The following PASD1 variants were observed in gnomAD, a reference collection of about 807,000 sequenced individuals.
The protein encoded by PASD1 is circadian clock protein PASD1.
Under a neutral mutation model 58.8 loss-of-function variants are expected in PASD1, and 13 were observed. That is an observed-to-expected ratio of 0.22 (90% CI 0.14 to 0.35). The LOEUF (loss-of-function observed/expected upper bound fraction) is 0.35, where lower values mean the gene tolerates loss of function less well. PASD1 is among the 10% of genes least tolerant of loss of function. The pLI, the probability that PASD1 is intolerant of heterozygous loss-of-function variation, is 1.00. For missense variants in PASD1, 734 were observed against 568.3 expected, an observed-to-expected ratio of 1.29 and a Z score of -2.96; for synonymous variants, 236 against 216.7, an observed-to-expected ratio of 1.09 and a Z score of -0.78.
intron 4 of PASD1, among the ~76,000 whole-genome samples, chrX:151,613,412 A>G (rs867943670): frequency 6.7e-4 from 73 of 108,518 alleles, no homozygotes; most frequent in African/African-American, 2.4e-3. Flanking sequence ...CTTGGGCAGT[A>G]TGGCCATTTT....
chrX:151,613,174 T>A (rs1312627331), intron 4 of PASD1, among the ~76,000 whole-genome samples: 1 of 111,595 alleles, frequency 9.0e-6, no homozygotes, highest in Non-Finnish European at 1.9e-5. Context: ...TCCATTGGTC[T>A]ATATCTCTGT....
At chrX:151,568,348 G>C (rs1261539252) in intron 1 of PASD1, among the ~76,000 whole-genome samples, 1 of 111,355 alleles carries the variant, frequency 9.0e-6, no homozygotes, top group African/African-American at 3.3e-5. Flanking sequence ...TTAGGTAACT[G>C]GTTGTTCCTT....
At position 151,673,968 on chromosome X, in the gene PASD1, C is replaced by T; in HGVS notation, c.1957C>T (p.Leu653=). The T allele has an allele frequency of 8.3e-7, 1 of 1,210,953 alleles. No individual in the cohort carries two copies. Among genetic ancestry groups the T allele is most frequent in the East Asian group, 3.0e-5 (1 of 33,830 alleles). The change falls in exon 15 of 16, where the codon CTG becomes TTG. Residue 653 remains leucine (L), a synonymous_variant. Transcript: ENST00000370357. ...EAYQGPPVNQ[L]PLIDTSNSEA... is the part of the protein sequence containing the mutation. The stretch of plus-strand genomic sequence containing the variant: ...GTATCAAGGGCCCCCCGTGAACCAG[C>T]TGCCATTGATAGATACCTCAAACTC...
chrX:151,667,315 C>T (rs2014396496), intron 11 of PASD1, among the ~76,000 whole-genome samples: 2 of 111,737 alleles, frequency 1.8e-5, no homozygotes, highest in African/African-American at 6.5e-5. Flanking sequence ...CAAAAATTTT[C>T]TCCCATTCTG....
chrX:151,644,163 A>G (rs2014030008), intron 8 of PASD1, among the ~76,000 whole-genome samples: 1 of 112,494 alleles, frequency 8.9e-6, no homozygotes, highest in South Asian at 3.7e-4. Flanking sequence ...ACTATCTCCA[A>G]TTATTTATTT....
intron 1 of PASD1, among the ~76,000 whole-genome samples, chrX:151,584,404 T>C (rs182084272): frequency 0.011 from 1,192 of 112,197 alleles, 8 homozygotes; most frequent in Non-Finnish European, 0.018. Context: ...ATAGGTCTTA[T>C]TCACTAGGTT....
chrX:151,599,443 C>G (rs1488320914), intron 1 of PASD1, among the ~76,000 whole-genome samples: 23 of 103,182 alleles, frequency 2.2e-4, no homozygotes, highest in African/African-American at 8.4e-4. Flanking sequence ...GCTGGCCGGG[C>G]GGGGGCTGCC....
intron 8 of PASD1, among the ~76,000 whole-genome samples, chrX:151,629,717 A>G (rs1352068905): frequency 8.9e-6 from 1 of 112,282 alleles, no homozygotes; most frequent in African/African-American, 3.2e-5. Context: ...CTGAGACACA[A>G]TAGCAGCACA....
In PASD1 at chrX:151,672,604, A is replaced by G. The variant is rs200948810; in HGVS notation, c.1859A>G (p.Gln620Arg). ...IVPVQRAAEQ[Q>R]PSGFYQDENC... ...CCTGTCCAGAGAGCAGCTGAACAACAGCCCTCTGGCTTCTATCAAGATGAA... is the reference window on the plus strand; with the variant it reads ...CCTGTCCAGAGAGCAGCTGAACAACGGCCCTCTGGCTTCTATCAAGATGAA... Residue 620 changes from glutamine to arginine, a missense_variant, in exon 14 of 16, where the codon CAG becomes CGG. Physicochemically the swap from Gln to Arg is conservative, Grantham distance 43. Coordinates refer to ENST00000370357, the MANE Select transcript of PASD1 (RefSeq NM_173493.3). 9.2e-5 allele frequency: 111 copies of G among 1,210,687 alleles called. No individual in the cohort carries two copies. The East Asian group carries it at 1.7e-3, about 18-fold the overall frequency.
At chrX:151,675,922 G>C (rs2014537396) in intron 15 of PASD1, 75 bp from the exon 16 acceptor site, 1 of 1,069,221 alleles carries the variant, frequency 9.4e-7, no homozygotes, top group Non-Finnish European at 1.3e-6. Flanking sequence ...TGAACTAAAG[G>C]ATTCCTCCTA....
At chrX:151,667,909 T>A (rs149377205) in intron 11 of PASD1, among the ~76,000 whole-genome samples, 1,308 of 111,863 alleles carry the variant, frequency 0.012, 6 homozygotes, top group Non-Finnish European at 0.017. Flanking sequence ...TTTTTCCGAT[T>A]CTGTGAAGAA....
At chrX:151,673,474 G>C (rs765155140) in intron 14 of PASD1, 17 of 141,066 alleles carry the variant, frequency 1.2e-4, no homozygotes, top group Non-Finnish European at 2.1e-4. Flanking sequence ...AGGAGGGTTT[G>C]GAAAGTATAG....
At chrX:151,574,864 T>C (rs62612260) in intron 1 of PASD1, among the ~76,000 whole-genome samples, 2,388 of 112,071 alleles carry the variant, frequency 0.021, 23 homozygotes, top group Middle Eastern at 0.051. Flanking sequence ...TTGCCTAGGC[T>C]GGTCTTGAAC....
At position 151,590,535 on chromosome X, in the gene PASD1, T is replaced by C. The variant is rs1210353087; in HGVS notation, c.-27-10992T>C. Among the ~76,000 whole-genome samples, 6 of 111,257 alleles carry C rather than the reference T, an allele frequency of 5.4e-5. No homozygotes were observed. The East Asian group carries it at 1.7e-3, about 31-fold the overall frequency. On this transcript the variant is annotated intron_variant, in intron 1 of 15. Coordinates refer to ENST00000370357, the MANE Select transcript of PASD1 (RefSeq NM_173493.3). ...ACCTAACCCCATAGTAAATGGGTCC[T>C]GGACTGATTCTCAGGACATGTTCCA... is the stretch of plus-strand genomic sequence containing the variant.
intron 9 of PASD1, among the ~76,000 whole-genome samples, chrX:151,656,532 G>C (rs187784884): frequency 8.3e-4 from 92 of 110,897 alleles, no homozygotes; most frequent in African/African-American, 2.9e-3. Flanking sequence ...TTTTTATTTC[G>C]TTGAGCAGTG....
At chrX:151,603,863 AT>A (rs1233468157) in intron 2 of PASD1, among the ~76,000 whole-genome samples, 1 of 111,641 alleles carries the variant, frequency 9.0e-6, no homozygotes, top group Non-Finnish European at 1.9e-5. Context: ...TTGTCATAGG[AT>A]TTTACATTTT....
At chrX:151,628,255 G>C (rs773619040) in intron 8 of PASD1, among the ~76,000 whole-genome samples, 58 of 111,655 alleles carry the variant, frequency 5.2e-4, no homozygotes, top group African/African-American at 1.8e-3. Context: ...ATTGCTTTTG[G>C]TGTTTTAGAC....
Position 151,676,294 on chromosome X carries a change from G to C in PASD1, c.*151G>C. On this transcript the variant is annotated 3_prime_UTR_variant, in exon 16 of 16. Coordinates refer to ENST00000370357, the MANE Select transcript of PASD1 (RefSeq NM_173493.3). ...ATTTGTTTCCTGATAGGTTATGTTT[G>C]TAATTGTTTGTTAAGCACAGCCTGT... is the stretch of plus-strand genomic sequence containing the variant. The C allele has an allele frequency of 3.5e-6, 2 of 568,446 alleles. No individual in the cohort carries two copies. The highest frequency in any genetic ancestry group is 8.4e-5 in the South Asian group (2 of 23,710). 46.8% of individuals were successfully genotyped at this position (568,446 alleles called of 1,213,427 possible).
At chrX:151,581,310 G>T (rs1278613883) in intron 1 of PASD1, among the ~76,000 whole-genome samples, 1 of 104,596 alleles carries the variant, frequency 9.6e-6, no homozygotes, top group Admixed American at 1.1e-4. Context: ...ATGTCTTGGG[G>T]CCAAGTGCAG....
Sources: gnomAD v4.1 joint callset for allele counts (sites outside exome capture counted in the v4.1 genomes callset) on GRCh38, gnomAD v4.1.1 for gene constraint, MANE v1.5 for transcripts, NCBI Gene and HGNC (gene_info 2026-07-23, HGNC 2026-07-21) for gene names.